Variants in WDR70 observed in about 807,000 individuals in gnomAD.
WDR70 encodes WD repeat-containing protein 70.
Under a neutral mutation model 88.6 loss-of-function variants are expected in WDR70, and 53 were observed. The ratio of observed to expected loss-of-function variants is 0.60; its 90% CI spans 0.48 to 0.75. The LOEUF is 0.75. WDR70 is among the 30% of genes least tolerant of loss of function. The pLI is 0.00. For missense variants in WDR70, 610 were observed against 823.2 expected (o/e 0.74, Z 3.17); for synonymous variants, 280 against 270.0 (o/e 1.04, Z -0.36).
At chr5:37,482,633 GTTTTGAC>G in intron 8 of WDR70, among the ~76,000 whole-genome samples, 1 of 152,284 alleles carries the variant, frequency 6.6e-6, no homozygotes, top group East Asian at 1.9e-4. Flanking sequence ...ATATCAGTAG[GTTTTGAC>G]TTCTTGCTTG....
At chr5:37,731,381 C>T (rs987612499) in intron 17 of WDR70, among the ~76,000 whole-genome samples, 6 of 152,152 alleles carry the variant, frequency 3.9e-5, no homozygotes, top group Non-Finnish European at 8.8e-5. Flanking sequence ...ACAGATGGAA[C>T]ATCTCTGAAC....
rs1740785530 is a variant in WDR70, at chr5:37,513,493, G to C, written c.841-3021G>C. Among the ~76,000 whole-genome samples, 4 of 152,210 alleles carry C rather than the reference G, an allele frequency of 2.6e-5. No individual in the cohort carries two copies. In the South Asian group the frequency reaches 8.3e-4, roughly 32 times the overall value. Reference sequence around the variant, plus strand: ...AATAAGTGAAGATGGAAGGAACATGGAGCCAGAAAATAAAATTCGTTGTGG... The same window carrying C: ...AATAAGTGAAGATGGAAGGAACATGCAGCCAGAAAATAAAATTCGTTGTGG... On this transcript the variant is annotated intron_variant, in intron 8 of 17. Coordinates refer to ENST00000265107, the MANE Select transcript of WDR70 (RefSeq NM_018034.4).
In WDR70 at chr5:37,499,531, TAA is replaced by T. The variant is rs1250049720; in HGVS notation, c.841-16979_841-16978del. On this transcript the variant is annotated intron_variant, in intron 8 of 17. Coordinates refer to ENST00000265107, the MANE Select transcript of WDR70 (RefSeq NM_018034.4). ...TAATGTTTGTTTTTCAGTTTTTTTT[TAA>T]AAATATATATATTCTCAACTTAAGT... 4.2e-3 allele frequency among the ~76,000 whole-genome samples: 553 copies of T among 132,968 alleles called. 3 individuals carry two copies. The highest frequency in any genetic ancestry group is 7.5e-3 in the African/African-American group (277 of 36,856). 87.2% of individuals were successfully genotyped at this position (132,968 alleles called of 152,430 possible).
At chr5:37,702,669 A>G (rs1378031844) in intron 12 of WDR70, among the ~76,000 whole-genome samples, 1 of 152,184 alleles carries the variant, frequency 6.6e-6, no homozygotes, top group Non-Finnish European at 1.5e-5. Context: ...CAGATTCTGG[A>G]GTCTGACTGC....
chr5:37,678,820 A>G (rs564801146), intron 10 of WDR70, among the ~76,000 whole-genome samples: 41 of 152,354 alleles, frequency 2.7e-4, no homozygotes, highest in African/African-American at 9.1e-4. Flanking sequence ...AATATCCTGC[A>G]GAGTGTTTTC....
chr5:37,427,892 C>T (rs751070553), intron 5 of WDR70, among the ~76,000 whole-genome samples: 3 of 151,936 alleles, frequency 2.0e-5, no homozygotes, highest in African/African-American at 4.8e-5. Flanking sequence ...GATACATTTC[C>T]GAGCTTTTCC....
chr5:37,497,299 C>CTCCCT (rs1375666378), intron 8 of WDR70, among the ~76,000 whole-genome samples: 32 of 143,854 alleles, frequency 2.2e-4, no homozygotes, highest in Non-Finnish European at 4.4e-4. Flanking sequence ...CCCTTCCCTT[C>CTCCCT]TCCCTTCCCT....
intron 8 of WDR70, among the ~76,000 whole-genome samples, chr5:37,492,831 G>A (rs957404034): frequency 5.3e-5 from 8 of 152,174 alleles, no homozygotes; most frequent in African/African-American, 1.4e-4. Context: ...CTATCAAGAT[G>A]ACAAAGGATG....
chr5:37,400,915 A>G (rs944543115), intron 5 of WDR70, among the ~76,000 whole-genome samples: 3 of 152,216 alleles, frequency 2.0e-5, no homozygotes, highest in Admixed American at 6.5e-5. Context: ...GAAAGTAGAA[A>G]GATGAGGAGG....
In WDR70 at chr5:37,395,335, C is replaced by T. The variant is rs115597649; in HGVS notation, c.297-1040C>T. Among the ~76,000 whole-genome samples the T allele has an allele frequency of 4.7e-3, 714 of 152,110 alleles. 9 individuals carry two copies. The highest frequency in any genetic ancestry group is 0.016 in the African/African-American group (677 of 41,496). ...TAGACTCTCAAGCCCGTCCAACCTG[C>T]GTTATATTGTTGTTGTTTTCTTTTA... is the stretch of plus-strand genomic sequence containing the variant. On this transcript the variant is annotated intron_variant, in intron 4 of 17. Transcript: ENST00000265107.
intron 9 of WDR70, among the ~76,000 whole-genome samples, chr5:37,529,366 T>C (rs1741410695): frequency 6.6e-6 from 1 of 152,140 alleles, no homozygotes; most frequent in Non-Finnish European, 1.5e-5. Flanking sequence ...AGAATCATGT[T>C]GGTATTTTGA....
In WDR70 at chr5:37,546,506, A is replaced by G. The variant is rs570106748; in HGVS notation, c.917+29916A>G. ...ACAATAATTCCTATATAGGGATTAT[A>G]TACTGTAGAAGATGCAAATCAGTAT... is the stretch of plus-strand genomic sequence containing the variant. On this transcript the variant is annotated intron_variant, in intron 9 of 17. Coordinates refer to ENST00000265107, the MANE Select transcript of WDR70 (RefSeq NM_018034.4). Among the ~76,000 whole-genome samples the G allele has an allele frequency of 3.9e-5, 6 of 152,370 alleles. No individual in the cohort carries two copies. The South Asian group carries it at 1.2e-3, about 32-fold the overall frequency.
At chr5:37,721,925 A>G (rs940190425) in intron 14 of WDR70, 2 of 152,104 alleles carry the variant, frequency 1.3e-5, no homozygotes, top group East Asian at 1.9e-4. Flanking sequence ...TTCACATGTG[A>G]AATTTACTGG....
At chr5:37,429,932 T>A (rs1029634251) in intron 5 of WDR70, among the ~76,000 whole-genome samples, 9 of 152,244 alleles carry the variant, frequency 5.9e-5, no homozygotes, top group African/African-American at 7.2e-5. Context: ...AGATTAGTTT[T>A]GAGAGCCTTA....
chr5:37,657,353 GGTACCCCA>G (rs1745582967), intron 10 of WDR70, among the ~76,000 whole-genome samples: 1 of 152,182 alleles, frequency 6.6e-6, no homozygotes, highest in Non-Finnish European at 1.5e-5. Context: ...AGATAAGCCA[GGTACCCCA>G]GTTGGAAATG....
intron 8 of WDR70, among the ~76,000 whole-genome samples, chr5:37,484,981 C>T (rs1243079133): frequency 1.3e-5 from 2 of 152,302 alleles, no homozygotes; most frequent in South Asian, 2.1e-4. Flanking sequence ...TATAGATAAA[C>T]ATACCTGATC....
intron 10 of WDR70, among the ~76,000 whole-genome samples, chr5:37,680,996 G>T (rs960179654): frequency 6.6e-6 from 1 of 152,180 alleles, no homozygotes; most frequent in African/African-American, 2.4e-5. Context: ...TAGTTTGATA[G>T]GAATAGCATT....
chr5:37,483,803 G>A (rs62358984), intron 8 of WDR70, among the ~76,000 whole-genome samples: 59,090 of 147,588 alleles, frequency 0.4, 12,874 homozygotes, highest in Non-Finnish European at 0.52. Context: ...CGGACGGGGC[G>A]GCTGGCCGGG....
In WDR70 at chr5:37,416,631, G is replaced by A. The variant is rs533566277; in HGVS notation, c.492+20061G>A. On this transcript the variant is annotated intron_variant, in intron 5 of 17. Coordinates refer to ENST00000265107, the MANE Select transcript of WDR70 (RefSeq NM_018034.4). ...GTTTCCCTGTGTCACCCAGGCTGGA[G>A]TGCAATGGGGTGATATCGGCTCACT... Among the ~76,000 whole-genome samples the A allele has an allele frequency of 2.6e-5, 4 of 151,186 alleles. No individual in the cohort carries two copies. The East Asian group carries it at 7.8e-4, about 29-fold the overall frequency.
Sources: gnomAD v4.1 joint callset for allele counts (sites outside exome capture counted in the v4.1 genomes callset) on GRCh38, gnomAD v4.1.1 for gene constraint, MANE v1.5 for transcripts, NCBI Gene and HGNC (gene_info 2026-07-23, HGNC 2026-07-21) for gene names.